ERBB2: variants seen among roughly 807,000 people sequenced by gnomAD.
The protein encoded by ERBB2 is erb-b2 receptor tyrosine kinase 2, also known as receptor tyrosine-protein kinase erbB-2.
Under a neutral mutation model 149.0 loss-of-function variants are expected in ERBB2, and 61 were observed. The observed-to-expected ratio is 0.41, with a 90% confidence interval of 0.33 to 0.51. The LOEUF (loss-of-function observed/expected upper bound fraction) is 0.51, where lower values mean the gene tolerates loss of function less well. Among genes scored for constraint, ERBB2 ranks in the 20% least tolerant of loss-of-function variants. The pLI, the probability that ERBB2 is intolerant of heterozygous loss-of-function variation, is 0.25. For synonymous variants in ERBB2, 633 were observed against 678.8 expected, an observed-to-expected ratio of 0.93 and a Z score of 1.05; for missense variants, 1,205 against 1,655.1, an observed-to-expected ratio of 0.73 and a Z score of 4.72.
intron 15 of ERBB2, 83 bp downstream of exon 15, chr17:39,717,563 A>G (rs1474006474): frequency 7.9e-6 from 9 of 1,137,668 alleles, no homozygotes; most frequent in African/African-American, 1.6e-5. Context: ...AAGGGGACCA[A>G]CTCTCCCTTT....
In ERBB2 at chr17:39,727,237, G is replaced by C. The variant is rs2059821856; in HGVS notation, c.3160-58G>C. 1 of 1,589,260 alleles carries C rather than the reference G, an allele frequency of 6.3e-7. No homozygotes were observed. The highest frequency in any genetic ancestry group is 2.2e-5 in the East Asian group (1 of 44,780). On this transcript the variant is annotated intron_variant, in intron 25 of 26. Coordinates refer to ENST00000269571, the MANE Select transcript of ERBB2 (RefSeq NM_004448.4). The surrounding 1 kb of genome is among the most constrained non-coding windows in gnomAD (Gnocchi z 4.3). ...TCCTGTGACCCTGTCACCTTCCATG[G>C]AGTCCCCATCCCAGATCCGTGAGTG...
chr17:39,724,917 C>T lies in ERBB2; in HGVS notation c.2493+6C>T, dbSNP rs749965659. The T allele has an allele frequency of 8.7e-6, 14 of 1,612,912 alleles. 1 individual carries two copies. In the South Asian group the frequency reaches 1.4e-4, roughly 16 times the overall value. On this transcript the variant is annotated splice_donor_region_variant and intron_variant, in intron 20 of 26. Coordinates refer to ENST00000269571, the MANE Select transcript of ERBB2 (RefSeq NM_004448.4). ...GGTGTATGCAGATTGCCAAGGTATG[C>T]ACCTGGGCTCTTTGCAGGTCTCTCC... is the stretch of plus-strand genomic sequence containing the variant.
chr17:39,690,966 C>A (rs1162380363), upstream of ERBB2, among the ~76,000 whole-genome samples: 2 of 150,634 alleles, frequency 1.3e-5, no homozygotes, highest in African/African-American at 4.9e-5. Flanking sequence ...CCAGCCTGAC[C>A]TAACATGGAG....
upstream of ERBB2, chr17:39,696,718 G>C (rs2145227592): frequency 6.6e-6 from 1 of 152,384 alleles, no homozygotes; most frequent in South Asian, 2.1e-4. Context: ...TGGGGACTCA[G>C]TGTTCTGAGG....
In ERBB2 at chr17:39,726,547, TC is replaced by T; in HGVS notation, c.2873-12del. On this transcript the variant is annotated splice_polypyrimidine_tract_variant and intron_variant, in intron 23 of 26. Transcript: ENST00000269571. The surrounding 1 kb of genome is among the most constrained non-coding windows in gnomAD (Gnocchi z 5.1). ...AGGGCCTGGGACTAGCATGCTGACC[TC>T]CCTCCTGCCCCAGGTTGGATGATTG... is the stretch of plus-strand genomic sequence containing the variant. 1 of 1,611,164 alleles carries T rather than the reference TC, an allele frequency of 6.2e-7. No individual in the cohort carries two copies. The highest frequency in any genetic ancestry group is 1.1e-5 in the South Asian group (1 of 91,008).
intron 7 of ERBB2, 139 bp downstream of exon 7, chr17:39,710,620 T>G: frequency 1.9e-6 from 2 of 1,041,394 alleles, no homozygotes; most frequent in Non-Finnish European, 2.8e-6. Context: ...CCTTGTTCTT[T>G]CAACAGCTGT....
upstream of ERBB2, among the ~76,000 whole-genome samples, chr17:39,691,574 T>TATATACACAC (rs1244087250): frequency 9.6e-4 from 117 of 121,996 alleles, 4 homozygotes; most frequent in African/African-American, 4.5e-3. Flanking sequence ...TATATATATA[T>TATATACACAC]ACACACACAC....
At chr17:39,716,217 C>A (rs2145669177) in intron 12 of ERBB2, 84 bp from the exon 13 acceptor site, 1 of 1,444,878 alleles carries the variant, frequency 6.9e-7, no homozygotes, top group South Asian at 1.3e-5. Flanking sequence ...CAGCCCACAG[C>A]CATGCCCACA....
chr17:39,719,347 A>G (rs1280947993), intron 15 of ERBB2, among the ~76,000 whole-genome samples: 1 of 152,236 alleles, frequency 6.6e-6, no homozygotes, highest in African/African-American at 2.4e-5. Context: ...ATGGAAAAAC[A>G]TTGCAAGATT....
chr17:39,712,175 A>T, intron 8 of ERBB2, 128 bp downstream of exon 8: 1 of 1,531,904 alleles, frequency 6.5e-7, no homozygotes, highest in Non-Finnish European at 9.0e-7. Flanking sequence ...TCTACTCTCT[A>T]CCCCTGGCCC....
chr17:39,716,342 C>T lies in ERBB2; in HGVS notation c.1555C>T (p.His519Tyr). 1 of 1,606,886 alleles carries T rather than the reference C, an allele frequency of 6.2e-7. No individual in the cohort carries two copies. Among genetic ancestry groups the T allele is most frequent in the Non-Finnish European group, 8.5e-7 (1 of 1,177,410 alleles). The change falls in exon 13 of 27, where the codon CAC (histidine) becomes TAC (tyrosine). Residue 519 changes from histidine to tyrosine, a missense_variant. His to Tyr is a moderately conservative substitution (Grantham distance 83). Transcript: ENST00000269571. ...CTGCCACCAGCTGTGCGCCCGAGGG[C>T]ACTGCTGGGGTCCAGGGCCCACCCA... ...LACHQLCARG[H>Y]CWGPGPTQCV...
At position 39,716,562 on chromosome 17, in the gene ERBB2, C is replaced by G. The variant is rs1299172694; in HGVS notation, c.1694C>G (p.Pro565Arg). 6.2e-7 allele frequency: 1 copy of G among 1,614,188 alleles called. No individual in the cohort carries two copies. Among genetic ancestry groups the G allele is most frequent in the Non-Finnish European group, 8.5e-7 (1 of 1,180,028 alleles). Residue 565 changes from proline to arginine, a missense_variant, in exon 14 of 27, where the codon CCT (proline) becomes CGT (arginine). Physicochemically the swap from Pro to Arg is moderately radical, Grantham distance 103 (BLOSUM62 -2). Transcript: ENST00000269571. The part of the protein sequence containing the change: ...VNARHCLPCH[P>R]ECQPQNGSVT... ...GCCAGGCACTGTTTGCCGTGCCACC[C>G]TGAGTGTCAGCCCCAGAATGGCTCA...
intron 19 of ERBB2, 110 bp downstream of exon 19, chr17:39,724,120 CCTAGA>C (rs769778638): frequency 1.3e-4 from 92 of 724,612 alleles, no homozygotes; most frequent in Non-Finnish European, 1.9e-4. Flanking sequence ...CTCCCGCAAA[CCTAGA>C]CTATTTTTTT....
exon 1 of ERBB2, chr17:39,688,267 ATCT>A: frequency 2.7e-6 from 1 of 370,298 alleles, no homozygotes. Context: ...GTTTTCCATG[ATCT>A]TTTTTGAGGT....
At chr17:39,717,890 T>C (rs1324230878) in intron 15 of ERBB2, among the ~76,000 whole-genome samples, 1 of 152,122 alleles carries the variant, frequency 6.6e-6, no homozygotes, top group Non-Finnish European at 1.5e-5. Flanking sequence ...CTTGGCTCAC[T>C]GCAGCCTCCA....
At position 39,726,782 on chromosome 17, in the gene ERBB2, G is replaced by C. The variant is rs1289538354; in HGVS notation, c.2971-33G>C. ...GGAAGGCTGCATGCTGGGCTGGGGA[G>C]GGGCCACCATCCTGCCTCTCCTTCC... On this transcript the variant is annotated intron_variant, in intron 24 of 26. Transcript: ENST00000269571. The surrounding 1 kb of genome is among the most constrained non-coding windows in gnomAD (Gnocchi z 5.1). The C allele has an allele frequency of 6.2e-7, 1 of 1,605,376 alleles. No individual in the cohort carries two copies. The highest frequency in any genetic ancestry group is 1.1e-5 in the South Asian group (1 of 90,810).
rs532619228 is a variant in ERBB2, at chr17:39,723,012, C to T, written c.1947-307C>T. Reference sequence around the variant, plus strand: ...TGCTAGGATTCCAGGCATGAGCCACCGCGCCCAGAGTCCTTAGTGATTTTT... The same window carrying T: ...TGCTAGGATTCCAGGCATGAGCCACTGCGCCCAGAGTCCTTAGTGATTTTT... On this transcript the variant is annotated intron_variant, in intron 16 of 26. Transcript: ENST00000269571. This position sits in a 1 kb window ranked among gnomAD's most constrained non-coding sequence, Gnocchi z 6.2. Among the ~76,000 whole-genome samples, 10 of 152,164 alleles carry T rather than the reference C, an allele frequency of 6.6e-5. No individual in the cohort carries two copies. The highest frequency in any genetic ancestry group is 6.2e-4 in the South Asian group (3 of 4,820).
intron 1 of ERBB2, among the ~76,000 whole-genome samples, chr17:39,702,093 A>T (rs1001646117): frequency 2.0e-5 from 3 of 152,166 alleles, no homozygotes; most frequent in African/African-American, 4.8e-5. Context: ...GGAGTTAGTT[A>T]AAAAGTCATT....
chr17:39,706,186 G>A (rs2058426370), intron 1 of ERBB2, among the ~76,000 whole-genome samples: 1 of 152,204 alleles, frequency 6.6e-6, no homozygotes, highest in Admixed American at 6.5e-5. Flanking sequence ...CGCTGGGCAG[G>A]TATGCAGGGC....
Sources: gnomAD v4.1 joint callset for allele counts (sites outside exome capture counted in the v4.1 genomes callset) on GRCh38, gnomAD v4.1.1 for gene constraint, Gnocchi (gnomAD v3.1) non-coding constraint, MANE v1.5 for transcripts, NCBI Gene and HGNC (gene_info 2026-07-23, HGNC 2026-07-21) for gene names.